The following AP2A1 variants were observed in gnomAD, a reference collection of about 807,000 sequenced individuals.
AP2A1 encodes the protein AP-2 complex subunit alpha-1.
A neutral mutation model predicts 107.3 loss-of-function variants in AP2A1; 21 were observed. The ratio of observed to expected loss-of-function variants is 0.20; its 90% CI spans 0.14 to 0.28. The LOEUF (loss-of-function observed/expected upper bound fraction) is 0.28. Ranked by LOEUF, AP2A1 falls within the 10% of genes least tolerant of loss-of-function variation. AP2A1 has a pLI of 1.00. For missense variants in AP2A1, 873 were observed against 1,307.7 expected, an observed-to-expected ratio of 0.67 and a Z score of 5.13; for synonymous variants, 602 against 564.8, an observed-to-expected ratio of 1.07 and a Z score of -0.93.
At chr19:49,769,109 G>A (rs1348993780) in intron 1 of AP2A1, among the ~76,000 whole-genome samples, 1 of 152,080 alleles carries the variant, frequency 6.6e-6, no homozygotes, top group African/African-American at 2.4e-5. Context: ...AATTAGCCAG[G>A]TGTGGTGGTG....
At position 49,802,075 on chromosome 19, in the gene AP2A1, T is replaced by C. The variant is rs1176443586; in HGVS notation, c.2048T>C (p.Val683Ala). 1 of 1,592,096 alleles carries C rather than the reference T, an allele frequency of 6.3e-7. No homozygotes were observed. The highest frequency in any genetic ancestry group is 8.5e-7 in the Non-Finnish European group (1 of 1,174,298). The change falls in exon 15 of 23, where the codon GTG becomes GCG. Residue 683 changes from valine (V) to alanine (A), a missense_variant. Val to Ala is a moderately conservative substitution (Grantham distance 64). Around this residue, in one of 4 missense-constraint regions of AP2A1, gnomAD observed 416 missense variants for 473.4 expected, o/e 0.88. Transcript: ENST00000354293. ...TCTGCAGGAGCAGGGAACCTTCTGG[T>C]GGACGTCTTCGATGGCCCGGCCGCC... ...PASAGAGNLL[V>A]DVFDGPAAQP...
intron 1 of AP2A1, among the ~76,000 whole-genome samples, chr19:49,767,976 A>G (rs941687797): frequency 1.3e-5 from 2 of 151,958 alleles, no homozygotes; most frequent in Non-Finnish European, 2.9e-5. Flanking sequence ...GTGACAGGGA[A>G]CGGGGGGCCA....
intron 4 of AP2A1, among the ~76,000 whole-genome samples, chr19:49,784,592 T>C (rs118058831): frequency 0.018 from 2,678 of 152,120 alleles, 30 homozygotes; most frequent in Non-Finnish European, 0.026. Context: ...TAGTCAAAAA[T>C]TGCCAGGCAC....
chr19:49,772,779 C>T (rs1568573332), intron 1 of AP2A1, among the ~76,000 whole-genome samples: 1 of 151,774 alleles, frequency 6.6e-6, no homozygotes, highest in Non-Finnish European at 1.5e-5. Context: ...GGATTACAGG[C>T]GTGAGCCACC....
rs1411217818 is a variant in AP2A1, at chr19:49,795,735, C to T, written c.811C>T (p.Pro271Ser). ...GCGGCTGCTGCAGTGCTACCCGCCT[C>T]CAGGTAATGAACGCCGTGCACTCCC... ...LLRLLQCYPP[P>S]EDAAVKGRLV... The change falls in exon 7 of 23, where the codon CCA becomes TCA. Residue 271 changes from proline (P) to serine (S), a missense_variant. Pro to Ser is a moderately conservative substitution (Grantham distance 74). Around this residue, in one of 4 missense-constraint regions of AP2A1, gnomAD observed 157 missense variants for 212.6 expected, o/e 0.74. Transcript: ENST00000354293. 1 of 1,551,034 alleles carries T rather than the reference C, an allele frequency of 6.4e-7. No homozygotes were observed. Among genetic ancestry groups the T allele is most frequent in the Non-Finnish European group, 8.7e-7 (1 of 1,147,582 alleles).
intron 1 of AP2A1, among the ~76,000 whole-genome samples, chr19:49,779,924 T>C (rs1600220232): frequency 6.6e-6 from 1 of 152,176 alleles, no homozygotes; most frequent in Non-Finnish European, 1.5e-5. Context: ...AGGGGCTTCC[T>C]GGAGGAGGTG....
rs753930622 is a variant in AP2A1 at position 49,781,737 on chromosome 19, C to T, written c.68-20C>T. 1 of 1,575,276 alleles carries T rather than the reference C, an allele frequency of 6.3e-7. No individual in the cohort carries two copies. The highest frequency in any genetic ancestry group is 1.9e-5 in the Admixed American group (1 of 53,720). ...GACTCCCCAGACCCCTCACTGCCTA[C>T]CCTCCTCCTCCTCTCCCAGGTAAGA... On this transcript the variant is annotated intron_variant, in intron 1 of 22. Coordinates refer to ENST00000354293, the MANE Select transcript of AP2A1 (RefSeq NM_130787.3).
At chr19:49,791,807 G>A in intron 4 of AP2A1, 128 bp from the exon 5 acceptor site, 2 of 1,259,392 alleles carry the variant, frequency 1.6e-6, no homozygotes, top group Non-Finnish European at 2.2e-6. Flanking sequence ...GGATCCTGCG[G>A]CCGCCTGGCT....
chr19:49,798,057 G>A (rs1297474360), intron 7 of AP2A1, among the ~76,000 whole-genome samples: 4 of 152,192 alleles, frequency 2.6e-5, no homozygotes. Flanking sequence ...GCCTTGTGGT[G>A]TATTTTAGCT....
intron 1 of AP2A1, 61 bp downstream of exon 1, chr19:49,767,261 G>A: frequency 6.3e-7 from 1 of 1,587,690 alleles, no homozygotes; most frequent in African/African-American, 1.3e-5. Context: ...AAATTGAGGG[G>A]TTTGGGGATC....
intron 6 of AP2A1, 30 bp from the exon 7 acceptor site, chr19:49,795,600 C>A: frequency 8.4e-7 from 1 of 1,190,220 alleles, no homozygotes; most frequent in South Asian, 1.3e-5. Context: ...CACCCCAGCC[C>A]CCAACTTATT....
At chr19:49,779,873 C>T (rs2084656177) in intron 1 of AP2A1, among the ~76,000 whole-genome samples, 1 of 152,214 alleles carries the variant, frequency 6.6e-6, no homozygotes, top group South Asian at 2.1e-4. Context: ...GATGGTGCAG[C>T]GCTAGGGTCC....
At chr19:49,787,184 T>C (rs1205424958) in intron 4 of AP2A1, among the ~76,000 whole-genome samples, 1 of 150,988 alleles carries the variant, frequency 6.6e-6, no homozygotes, top group Non-Finnish European at 1.5e-5. Flanking sequence ...TTTTTGTATT[T>C]CTTTTTTTTT....
chr19:49,803,626 C>T (rs2073321477), intron 18 of AP2A1: 1 of 530,372 alleles, frequency 1.9e-6, no homozygotes, highest in South Asian at 2.0e-5. Context: ...CTCATTTTGT[C>T]CCTGTCTGGC....
chr19:49,801,612 C>A lies in AP2A1; in HGVS notation c.1776C>A (p.Thr592=), dbSNP rs745785419. The change falls in exon 13 of 23, where the codon ACC becomes ACA. Residue 592 remains threonine (T), a synonymous_variant. Coordinates refer to ENST00000354293, the MANE Select transcript of AP2A1 (RefSeq NM_130787.3). ...EYLTLSSVAS[T]DVLATVLEEM... ...TCACCCTCAGCTCAGTGGCCAGCAC[C>A]GACGTCCTGGTCAGAGCCCTGTCCC... 6.8e-6 allele frequency: 11 copies of A among 1,611,512 alleles called. No individual in the cohort carries two copies. In the South Asian group the frequency reaches 1.2e-4, roughly 18 times the overall value.
At chr19:49,799,214 A>G in intron 8 of AP2A1, 113 bp from the exon 9 acceptor site, 1 of 1,318,466 alleles carries the variant, frequency 7.6e-7, no homozygotes. Context: ...AAGGCCGGCA[A>G]GGTTAAGACC....
At chr19:49,781,879 G>A in intron 2 of AP2A1, 54 bp downstream of exon 2, 2 of 1,610,370 alleles carry the variant, frequency 1.2e-6, no homozygotes, top group African/African-American at 1.3e-5. Flanking sequence ...TGGGAGCTGG[G>A]GCTCCTGTGA....
intron 1 of AP2A1, among the ~76,000 whole-genome samples, chr19:49,774,270 T>G (rs2084594727): frequency 6.6e-6 from 1 of 152,116 alleles, no homozygotes; most frequent in Non-Finnish European, 1.5e-5. Flanking sequence ...CTGTGGGGAC[T>G]GAAGCAGCCG....
chr19:49,770,273 G>A (rs948442319), intron 1 of AP2A1, among the ~76,000 whole-genome samples: 1 of 152,152 alleles, frequency 6.6e-6, no homozygotes, highest in Admixed American at 6.6e-5. Context: ...CCCCAGAGAC[G>A]AGCCAGAGGA....
Sources: gnomAD v4.1 joint callset for allele counts (sites outside exome capture counted in the v4.1 genomes callset) on GRCh38, gnomAD v4.1.1 for gene constraint, gnomAD v4.1.1 regional missense constraint, MANE v1.5 for transcripts, NCBI Gene and HGNC (gene_info 2026-07-23, HGNC 2026-07-21) for gene names.